CCDC175: variants seen among roughly 807,000 people sequenced by gnomAD.
CCDC175 encodes coiled-coil domain-containing protein 175.
In CCDC175, 100 loss-of-function variants were observed where a neutral mutation model predicts 114.6. That is an observed-to-expected ratio of 0.87 (90% CI 0.74 to 1.03). CCDC175 has a LOEUF of 1.03. Among genes scored for constraint, CCDC175 ranks in the 50% least tolerant of loss-of-function variants. The pLI is 0.00. For synonymous variants in CCDC175, 306 were observed against 308.7 expected, an observed-to-expected ratio of 0.99 and a Z score of 0.09; for missense variants, 880 against 917.8, an observed-to-expected ratio of 0.96 and a Z score of 0.53.
intron 3 of CCDC175, 43 bp from the exon 4 acceptor site, chr14:59,568,423 G>C: frequency 6.9e-7 from 1 of 1,438,962 alleles, no homozygotes; most frequent in Non-Finnish European, 9.1e-7. Flanking sequence ...TTGAGGAAAA[G>C]CACAACTGTA....
intron 17 of CCDC175, among the ~76,000 whole-genome samples, chr14:59,518,576 A>G (rs1023411277): frequency 8.5e-5 from 13 of 152,278 alleles, no homozygotes; most frequent in African/African-American, 3.1e-4. Context: ...AATGCTCATC[A>G]TCACTGGACA....
At chr14:59,515,051 A>G (rs1892992677) in intron 17 of CCDC175, among the ~76,000 whole-genome samples, 1 of 152,206 alleles carries the variant, frequency 6.6e-6, no homozygotes, top group African/African-American at 2.4e-5. Context: ...CCAGAATTTA[A>G]TATCCAGCCA....
rs537362502 is a variant in CCDC175, at chr14:59,555,199, G to A, written c.954-3763C>T. Among the ~76,000 whole-genome samples, 143 of 152,204 alleles carry A rather than the reference G, an allele frequency of 9.4e-4. 1 individual carries two copies. The highest frequency in any genetic ancestry group is 1.0e-3 in the Admixed American group (16 of 15,290). Reference sequence around the variant, plus strand: ...TAGACCAATATCCCTGATGAACATCGATGAAAAAATCCTCAATAAAATACT... The same window carrying A: ...TAGACCAATATCCCTGATGAACATCAATGAAAAAATCCTCAATAAAATACT... On this transcript the variant is annotated intron_variant, in intron 7 of 19. Coordinates refer to ENST00000537690, the MANE Select transcript of CCDC175 (RefSeq NM_001164399.2).
intron 14 of CCDC175, among the ~76,000 whole-genome samples, chr14:59,530,522 G>A (rs1894008419): frequency 6.6e-6 from 1 of 151,940 alleles, no homozygotes; most frequent in African/African-American, 2.4e-5. Flanking sequence ...CATATGTATT[G>A]TAAGTCTGGG....
chr14:59,517,981 C>A (rs1345849383), intron 17 of CCDC175, among the ~76,000 whole-genome samples: 9 of 152,144 alleles, frequency 5.9e-5, no homozygotes, highest in African/African-American at 2.2e-4. Flanking sequence ...AGATATAGAG[C>A]AATGGAACCG....
chr14:59,545,127 T>A, intron 9 of CCDC175, 36 bp downstream of exon 9: 1 of 1,523,726 alleles, frequency 6.6e-7, no homozygotes, highest in Non-Finnish European at 8.8e-7. Context: ...CCCATAATGA[T>A]GGCATGTTGA....
chr14:59,555,745 C>G (rs1183401407), intron 7 of CCDC175, among the ~76,000 whole-genome samples: 2 of 152,206 alleles, frequency 1.3e-5, no homozygotes, highest in Admixed American at 6.5e-5. Context: ...TCTCCTTAAG[C>G]TGATAAGCAA....
chr14:59,571,983 G>C (rs1182710274), intron 3 of CCDC175, among the ~76,000 whole-genome samples: 1 of 152,046 alleles, frequency 6.6e-6, no homozygotes. Context: ...CAAAGGAAAT[G>C]CTCAATGAAG....
intron 1 of CCDC175, 113 bp downstream of exon 1, chr14:59,576,506 C>T (rs1897128047): frequency 1.9e-6 from 2 of 1,047,288 alleles, no homozygotes; most frequent in African/African-American, 1.7e-5. Flanking sequence ...CTCTGCCCTG[C>T]CCAGTGATGC....
intron 7 of CCDC175, among the ~76,000 whole-genome samples, chr14:59,552,563 C>G (rs549075769): frequency 6.6e-6 from 1 of 152,060 alleles, no homozygotes; most frequent in East Asian, 1.9e-4. Flanking sequence ...CAGAGCACCT[C>G]CCCCCCTCCA....
At chr14:59,511,089 C>T (rs1166395750) in intron 18 of CCDC175, among the ~76,000 whole-genome samples, 3 of 152,046 alleles carry the variant, frequency 2.0e-5, no homozygotes, top group African/African-American at 4.8e-5. Context: ...CTAGTTTCAC[C>T]CTCAGAGAAG....
rs145932467 is a variant in CCDC175, at chr14:59,510,814, G to A, written c.2143-6C>T. 4 of 1,533,744 alleles carry A rather than the reference G, an allele frequency of 2.6e-6. No individual in the cohort carries two copies. Among genetic ancestry groups the A allele is most frequent in the South Asian group, 1.2e-5 (1 of 83,826 alleles). Reference sequence around the variant, plus strand: ...TCACCATTGTCCACCAAGATCTAAAGAAATGGCATTTTAGGCTGTGTCAAT... The same window carrying A: ...TCACCATTGTCCACCAAGATCTAAAAAAATGGCATTTTAGGCTGTGTCAAT... On this transcript the variant is annotated splice_region_variant and splice_polypyrimidine_tract_variant and intron_variant, in intron 18 of 19. Transcript: ENST00000537690.
intron 18 of CCDC175, 63 bp from the exon 19 acceptor site, chr14:59,510,871 T>A: frequency 7.2e-7 from 1 of 1,395,930 alleles, no homozygotes. Flanking sequence ...AAATACACAT[T>A]CTAAGTGGAT....
At chr14:59,548,686 AC>A (rs1895262846) in intron 8 of CCDC175, among the ~76,000 whole-genome samples, 1 of 152,200 alleles carries the variant, frequency 6.6e-6, no homozygotes, top group Admixed American at 6.5e-5. Context: ...CAAATTCGAA[AC>A]CAACCAACCA....
At chr14:59,536,392 T>C (rs886559829) in intron 13 of CCDC175, among the ~76,000 whole-genome samples, 6 of 151,996 alleles carry the variant, frequency 3.9e-5, no homozygotes, top group African/African-American at 1.4e-4. Flanking sequence ...CCCTGCTTGA[T>C]TTTTCTCTAT....
intron 11 of CCDC175, 94 bp from the exon 12 acceptor site, chr14:59,538,934 CTACACAAAA>C: frequency 5.1e-6 from 6 of 1,184,346 alleles, no homozygotes; most frequent in Non-Finnish European, 6.9e-6. Context: ...CATACTATGA[CTACACAAAA>C]TTGTTTGTGC....
At chr14:59,563,573 A>G (rs184266332) in intron 6 of CCDC175, among the ~76,000 whole-genome samples, 164 bp downstream of exon 6, 1 of 151,304 alleles carries the variant, frequency 6.6e-6, no homozygotes, top group Admixed American at 6.6e-5. Flanking sequence ...ATTCCTGAAG[A>G]GGAAACCACA....
At chr14:59,570,053 G>T (rs774462897) in intron 3 of CCDC175, among the ~76,000 whole-genome samples, 1 of 152,116 alleles carries the variant, frequency 6.6e-6, no homozygotes, top group Non-Finnish European at 1.5e-5. Flanking sequence ...CTCTCTGGGG[G>T]TGTTAGGGGT....
rs1893787928 is a variant in CCDC175 at position 59,527,091 on chromosome 14, T to G, written c.1842+4A>C. ...AAAAAAGAATTAATGCATTGATCTT[T>G]TACCATGTTGCTAATGTATCTTGAA... On this transcript the variant is annotated splice_donor_region_variant and intron_variant, in intron 15 of 19. Transcript: ENST00000537690. 1 of 1,392,294 alleles carries G rather than the reference T, an allele frequency of 7.2e-7. No homozygotes were observed. The allele number at this position is 1,392,294 out of a possible 1,614,324, so 86.2% of individuals were successfully genotyped here. A position where few individuals can be genotyped will look rare whatever the true frequency, so the allele number is the denominator to read the frequency against.
Sources: gnomAD v4.1 joint callset for allele counts (sites outside exome capture counted in the v4.1 genomes callset) on GRCh38, gnomAD v4.1.1 for gene constraint, MANE v1.5 for transcripts, NCBI Gene and HGNC (gene_info 2026-07-23, HGNC 2026-07-21) for gene names.